Variants in FUT8 observed in about 807,000 individuals in gnomAD.
FUT8 encodes fucosyltransferase 8.
In FUT8, 29 loss-of-function variants were observed where a neutral mutation model predicts 71.3. The observed-to-expected ratio is 0.41, with a 90% CI of 0.30 to 0.55. The LOEUF is 0.55. FUT8 is among the 20% of genes least tolerant of loss of function. The pLI is 0.34. For synonymous variants in FUT8, 254 were observed against 239.3 expected (o/e 1.06, Z -0.57); for missense variants, 544 against 702.1 (o/e 0.77, Z 2.55).
chr14:65,655,520 C>T (rs1204945718), intron 6 of FUT8, among the ~76,000 whole-genome samples: 8 of 147,134 alleles, frequency 5.4e-5, no homozygotes, highest in Non-Finnish European at 9.0e-5. Context: ...TAATCTCAGA[C>T]AGAATAGACT....
the FUT8 span, among the ~76,000 whole-genome samples, chr14:65,379,773 C>A: frequency 5.3e-5 from 8 of 152,132 alleles, no homozygotes; most frequent in African/African-American, 1.9e-4. Context: ...AAATTTATTT[C>A]TCATAGTTGT....
At chr14:65,367,472 A>G in the FUT8 span, among the ~76,000 whole-genome samples, 1 of 152,156 alleles carries the variant, frequency 6.6e-6, no homozygotes, top group African/African-American at 2.4e-5. Context: ...CCTGGGCCCA[A>G]TTTGGAAGGG....
chr14:65,741,489 C>T (rs939292965), intron 10 of FUT8, among the ~76,000 whole-genome samples: 1 of 151,928 alleles, frequency 6.6e-6, no homozygotes, highest in Non-Finnish European at 1.5e-5. Flanking sequence ...CTGGGTGCAG[C>T]ACACCAACAT....
Position 65,542,574 on chromosome 14 carries a change from A to G in FUT8, c.-227-18763A>G, listed in dbSNP as rs147458594. 7.7e-4 allele frequency among the ~76,000 whole-genome samples: 117 copies of G among 152,324 alleles called. 3 individuals carry two copies. In the East Asian group the frequency reaches 0.016, roughly 21 times the overall value. On this transcript the variant is annotated intron_variant, in intron 2 of 10. Transcript: ENST00000673929. ...GTGATACCATTATGATATTCTTCAT[A>G]CATGCAGTAGTAAAGATTAGCCTTT... is the stretch of plus-strand genomic sequence containing the variant.
intron 6 of FUT8, among the ~76,000 whole-genome samples, chr14:65,653,626 G>A (rs2140330587): frequency 6.6e-6 from 1 of 152,296 alleles, no homozygotes; most frequent in East Asian, 1.9e-4. Context: ...GAGAGAAGCA[G>A]CGCATTAATT....
chr14:65,645,464 A>G (rs150384091), intron 6 of FUT8, among the ~76,000 whole-genome samples: 1 of 152,336 alleles, frequency 6.6e-6, no homozygotes, highest in East Asian at 1.9e-4. Context: ...AGAATGGAAA[A>G]TCTGAAAAGA....
At chr14:65,580,692 G>A (rs1007223384) in intron 3 of FUT8, among the ~76,000 whole-genome samples, 1 of 151,992 alleles carries the variant, frequency 6.6e-6, no homozygotes, top group Non-Finnish European at 1.5e-5. Flanking sequence ...CATTTAATAT[G>A]TTACAGTGAA....
intron 3 of FUT8, among the ~76,000 whole-genome samples, chr14:65,590,370 G>A (rs1369818167): frequency 6.6e-6 from 1 of 152,198 alleles, no homozygotes; most frequent in Non-Finnish European, 1.5e-5. Context: ...TCACATGGAA[G>A]GGGATGAGTT....
At chr14:65,689,754 G>C (rs1893480899) in intron 7 of FUT8, among the ~76,000 whole-genome samples, 1 of 152,182 alleles carries the variant, frequency 6.6e-6, no homozygotes, top group African/African-American at 2.4e-5. Context: ...GGCCAGACTG[G>C]TCTTGAACTC....
the FUT8 span, among the ~76,000 whole-genome samples, chr14:65,358,583 A>G: frequency 5.3e-5 from 8 of 152,010 alleles, no homozygotes; most frequent in Non-Finnish European, 1.0e-4. Flanking sequence ...TCTACAGAGT[A>G]ACTGGGACTA....
chr14:65,667,073 A>G (rs1440206360), intron 6 of FUT8, among the ~76,000 whole-genome samples: 1 of 152,196 alleles, frequency 6.6e-6, no homozygotes. Flanking sequence ...TACTGAGTGG[A>G]CAAAAGCTGG....
At chr14:65,362,174 A>AG in the FUT8 span, among the ~76,000 whole-genome samples, 2 of 152,194 alleles carry the variant, frequency 1.3e-5, no homozygotes, top group Admixed American at 1.3e-4. Flanking sequence ...TTGCTGTTTT[A>AG]CAATCTATGA....
Position 65,445,903 on chromosome 14 carries a change from C to T in FUT8, c.-325-9718C>T, listed in dbSNP as rs1055367231. ...TTGGCCTCCCAAAGTGTTGGGATTA[C>T]AGGTGTGAGCGACTGTGCCCAGCTA... On this transcript the variant is annotated intron_variant, in intron 1 of 10. Transcript: ENST00000673929. 3.9e-5 allele frequency among the ~76,000 whole-genome samples: 6 copies of T among 152,354 alleles called. No homozygotes were observed. In the South Asian group the frequency reaches 1.0e-3, roughly 26 times the overall value.
intron 1 of FUT8, among the ~76,000 whole-genome samples, chr14:65,451,548 A>G (rs2139540897): frequency 6.6e-6 from 1 of 152,362 alleles, no homozygotes; most frequent in African/African-American, 2.4e-5. Context: ...AGTGAGGCCA[A>G]AGGGCCACTG....
chr14:65,524,210 G>A (rs1680092280), intron 2 of FUT8, among the ~76,000 whole-genome samples: 1 of 152,174 alleles, frequency 6.6e-6, no homozygotes, highest in Admixed American at 6.5e-5. Flanking sequence ...CGTGAGCATG[G>A]AATGTTCTTC....
Position 65,611,724 on chromosome 14 carries a change from G to C in FUT8, c.204-4254G>C, listed in dbSNP as rs576211548. Among the ~76,000 whole-genome samples the C allele has an allele frequency of 1.1e-4, 17 of 152,202 alleles. No individual in the cohort carries two copies. The South Asian group carries it at 3.5e-3, about 32-fold the overall frequency. ...CACCCCGGCTGGAGTTCAAAGGCGT[G>C]ATCTCGACTCACTGCAACCTCTGCC... On this transcript the variant is annotated intron_variant, in intron 3 of 10. Transcript: ENST00000673929.
At chr14:65,635,937 T>C (rs1395528144) in intron 6 of FUT8, among the ~76,000 whole-genome samples, 1 of 152,152 alleles carries the variant, frequency 6.6e-6, no homozygotes, top group Non-Finnish European at 1.5e-5. Flanking sequence ...AAATGTCTGG[T>C]AGAATTCAGC....
intron 10 of FUT8, among the ~76,000 whole-genome samples, chr14:65,735,610 A>G (rs1221548782): frequency 6.6e-6 from 1 of 151,516 alleles, no homozygotes; most frequent in Non-Finnish European, 1.5e-5. Flanking sequence ...ACCTCAAAAT[A>G]TTTTATGTTA....
intron 10 of FUT8, among the ~76,000 whole-genome samples, chr14:65,735,761 A>G (rs991944144): frequency 2.0e-5 from 3 of 152,146 alleles, no homozygotes; most frequent in African/African-American, 4.8e-5. Flanking sequence ...GAGTAATTCC[A>G]TATTCAGTGA....
Sources: allele counts gnomAD v4.1 joint callset (sites outside exome capture counted in the v4.1 genomes callset), GRCh38; gene constraint gnomAD v4.1.1; transcripts MANE v1.5; gene names NCBI Gene and HGNC (gene_info 2026-07-23, HGNC 2026-07-21).